UBE2J1: variants seen among roughly 807,000 people sequenced by gnomAD.
UBE2J1 encodes the protein ubiquitin-conjugating enzyme E2 J1.
In UBE2J1, 17 loss-of-function variants were observed where a neutral mutation model predicts 42.1. The observed-to-expected ratio is 0.40, with a 90% confidence interval of 0.28 to 0.61. The LOEUF (loss-of-function observed/expected upper bound fraction) is 0.61, where lower values mean the gene tolerates loss of function less well. Ranked by LOEUF, UBE2J1 falls within the 20% of genes least tolerant of loss-of-function variation. UBE2J1 has a pLI of 0.38. For synonymous variants in UBE2J1, 127 were observed against 137.2 expected, an observed-to-expected ratio of 0.93 and a Z score of 0.52; for missense variants, 291 against 389.4, an observed-to-expected ratio of 0.75 and a Z score of 2.13.
At chr6:89,343,341 A>C (rs1768289255) in intron 2 of UBE2J1, among the ~76,000 whole-genome samples, 1 of 150,652 alleles carries the variant, frequency 6.6e-6, no homozygotes, top group Admixed American at 6.6e-5. Flanking sequence ...AGGCTGAGGC[A>C]GGAGAATTGC....
chr6:89,342,262 T>C, intron 3 of UBE2J1, 62 bp downstream of exon 3: 1 of 1,572,106 alleles, frequency 6.4e-7, no homozygotes, highest in Non-Finnish European at 8.7e-7. Flanking sequence ...ATTTGCTTAC[T>C]ATATTTTGCA....
At chr6:89,338,030 G>T (rs1017853141) in intron 5 of UBE2J1, among the ~76,000 whole-genome samples, 175 bp downstream of exon 5, 1 of 152,042 alleles carries the variant, frequency 6.6e-6, no homozygotes, top group African/African-American at 2.4e-5. Flanking sequence ...TTAGATTCTG[G>T]TCACTCCAAG....
In UBE2J1 at chr6:89,333,439, C is replaced by T. The variant is rs138507851; in HGVS notation, c.559-234G>A. ...AGCCGTTACTTGATGAGGGACAAAA[C>T]TAACACCCATGGTTCACAATCCACA... is the stretch of plus-strand genomic sequence containing the variant. On this transcript the variant is annotated intron_variant, in intron 6 of 7. Coordinates refer to ENST00000435041, the MANE Select transcript of UBE2J1 (RefSeq NM_016021.3). Among the ~76,000 whole-genome samples the T allele has an allele frequency of 8.6e-3, 1,314 of 152,314 alleles. 18 individuals carry two copies. Among genetic ancestry groups the T allele is most frequent in the African/African-American group, 0.029 (1,205 of 41,556 alleles).
intron 3 of UBE2J1, among the ~76,000 whole-genome samples, chr6:89,338,880 T>G (rs555002677): frequency 1.3e-5 from 2 of 152,148 alleles, no homozygotes; most frequent in East Asian, 3.9e-4. Context: ...TTAGCCAGGA[T>G]GGTCTCGATA....
rs921002629 is a variant in UBE2J1 at position 89,349,130 on chromosome 6, G to C, written c.31+3409C>G. Among the ~76,000 whole-genome samples, 20 of 152,056 alleles carry C rather than the reference G, an allele frequency of 1.3e-4. 1 individual carries two copies. Among genetic ancestry groups the C allele is most frequent in the Non-Finnish European group, 1.9e-4 (13 of 68,008 alleles). ...CACACACCTGTGGTCCCTGCTACTC[G>C]GGAGGCAGAGGTGGAAGAATCACTT... On this transcript the variant is annotated intron_variant, in intron 1 of 7. Transcript: ENST00000435041.
chr6:89,348,279 T>C (rs948495408), intron 1 of UBE2J1, among the ~76,000 whole-genome samples: 1 of 152,192 alleles, frequency 6.6e-6, no homozygotes, highest in South Asian at 2.1e-4. Flanking sequence ...AGAGGCCACA[T>C]GGACACTCTG....
intron 6 of UBE2J1, 46 bp from the exon 7 acceptor site, chr6:89,333,251 C>G: frequency 6.4e-7 from 1 of 1,569,170 alleles, no homozygotes; most frequent in Admixed American, 1.9e-5. Context: ...CAGGAAACAA[C>G]AGGAAACATA....
At position 89,329,778 on chromosome 6, in the gene UBE2J1, C is replaced by T. The variant is rs1767970141; in HGVS notation, c.858G>A (p.Gly286=). 1 of 1,613,890 alleles carries T rather than the reference C, an allele frequency of 6.2e-7. No individual in the cohort carries two copies. The highest frequency in any genetic ancestry group is 8.5e-7 in the Non-Finnish European group (1 of 1,179,950). ...TCAGGATGACAATCAGTACAGCTGA[C>T]CCACCATGATCAGTGTGGTTGTCTC... The part of the protein sequence containing the change: ...QPRDNHTDHG[G]SAVLIVILTL... Residue 286 remains glycine, a synonymous_variant, in exon 8 of 8, where the codon GGG becomes GGA. Transcript: ENST00000435041.
chr6:89,329,459 AGT>A lies in UBE2J1; in HGVS notation c.*218_*219del, dbSNP rs1767961804. ...TATTTCCCTGCAAAGCAGATCAAATAGTGAGACAAGGAACTTTGACTTCTAGT... is the reference window on the plus strand; with the variant it reads ...TATTTCCCTGCAAAGCAGATCAAATAGAGACAAGGAACTTTGACTTCTAGT... On this transcript the variant is annotated 3_prime_UTR_variant, in exon 8 of 8. Transcript: ENST00000435041. The A allele has an allele frequency of 1.2e-4, 65 of 536,856 alleles. No individual in the cohort carries two copies. In the South Asian group the frequency reaches 1.5e-3, roughly 12 times the overall value. 33.3% of individuals were successfully genotyped at this position (536,856 alleles called of 1,614,324 possible).
At chr6:89,342,283 A>C in intron 3 of UBE2J1, 41 bp downstream of exon 3, 1 of 1,605,964 alleles carries the variant, frequency 6.2e-7, no homozygotes, top group East Asian at 2.2e-5. Context: ...GCTACCAGGA[A>C]GAGTGAAGCC....
chr6:89,330,325 T>C (rs1412570459), intron 7 of UBE2J1, among the ~76,000 whole-genome samples: 1 of 152,052 alleles, frequency 6.6e-6, no homozygotes, highest in Non-Finnish European at 1.5e-5. Flanking sequence ...TTTTAATCAT[T>C]ATTTTTTTAG....
intron 7 of UBE2J1, among the ~76,000 whole-genome samples, chr6:89,330,508 A>C (rs1767990011): frequency 6.6e-6 from 1 of 152,066 alleles, no homozygotes; most frequent in Non-Finnish European, 1.5e-5. Flanking sequence ...TGATATTATA[A>C]AATTCTAAAT....
chr6:89,345,517 G>A (rs1424274333), intron 1 of UBE2J1, among the ~76,000 whole-genome samples: 3 of 152,058 alleles, frequency 2.0e-5, no homozygotes, highest in Admixed American at 6.5e-5. Flanking sequence ...CAGGAGAATC[G>A]CTTGCACCCA....
chr6:89,330,834 T>G (rs2127859781), intron 7 of UBE2J1, among the ~76,000 whole-genome samples: 1 of 152,218 alleles, frequency 6.6e-6, no homozygotes, highest in East Asian at 1.9e-4. Flanking sequence ...AAGTCCCTAG[T>G]GATATATATA....
intron 3 of UBE2J1, among the ~76,000 whole-genome samples, chr6:89,341,875 A>T (rs970275352): frequency 6.6e-6 from 1 of 152,226 alleles, no homozygotes; most frequent in Non-Finnish European, 1.5e-5. Context: ...ATACAATAAG[A>T]TCTTGATACT....
intron 7 of UBE2J1, among the ~76,000 whole-genome samples, chr6:89,332,430 C>T (rs906940240): frequency 2.6e-5 from 4 of 152,168 alleles, no homozygotes; most frequent in African/African-American, 9.7e-5. Context: ...TCATAGCATT[C>T]ATTCTTTTAT....
chr6:89,347,166 T>C (rs1768380160), intron 1 of UBE2J1, among the ~76,000 whole-genome samples: 1 of 152,220 alleles, frequency 6.6e-6, no homozygotes, highest in African/African-American at 2.4e-5. Context: ...GCCTGCGGAC[T>C]ATCTACTCCC....
chr6:89,335,865 G>C (rs1045111197), intron 5 of UBE2J1, among the ~76,000 whole-genome samples: 1 of 150,040 alleles, frequency 6.7e-6, no homozygotes, highest in Non-Finnish European at 1.5e-5. Flanking sequence ...GATATTTCTA[G>C]GGAAAAAAAA....
chr6:89,347,004 C>T (rs562352269), intron 1 of UBE2J1, among the ~76,000 whole-genome samples: 6 of 152,200 alleles, frequency 3.9e-5, no homozygotes, highest in African/African-American at 7.2e-5. Flanking sequence ...TCTCAGAATC[C>T]GATTAAAGGC....
Sources: gnomAD v4.1 joint callset for allele counts (sites outside exome capture counted in the v4.1 genomes callset) on GRCh38, gnomAD v4.1.1 for gene constraint, MANE v1.5 for transcripts, NCBI Gene and HGNC (gene_info 2026-07-23, HGNC 2026-07-21) for gene names.